The following TRA2B variants were observed in gnomAD, a reference collection of about 807,000 sequenced individuals.
The protein encoded by TRA2B is transformer-2 protein homolog beta.
A neutral mutation model predicts 41.7 loss-of-function variants in TRA2B; 14 were observed. The ratio of observed to expected loss-of-function variants is 0.34; its 90% confidence interval spans 0.22 to 0.53. The LOEUF (loss-of-function observed/expected upper bound fraction) is 0.53, where lower values mean the gene tolerates loss of function less well. TRA2B is among the 20% of genes least tolerant of loss of function. The pLI, the probability that TRA2B is intolerant of heterozygous loss-of-function variation, is 0.95. For synonymous variants in TRA2B, 130 were observed against 128.8 expected (o/e 1.01, Z -0.06); for missense variants, 167 against 396.8 (o/e 0.42, Z 4.92).
intron 1 of TRA2B, chr3:185,936,679 T>G (rs1157851730): frequency 1.0e-6 from 1 of 983,308 alleles, no homozygotes; most frequent in Admixed American, 6.2e-5. Context: ...ACAAATTGTT[T>G]TTTTTTTTTA....
At chr3:185,936,440 C>T in intron 1 of TRA2B, 1 of 985,360 alleles carries the variant, frequency 1.0e-6, no homozygotes, top group Non-Finnish European at 1.2e-6. Flanking sequence ...TATGCTCATC[C>T]GAGTATGTAA....
intron 1 of TRA2B, chr3:185,935,955 G>A (rs1744336143): frequency 2.0e-6 from 2 of 985,340 alleles, no homozygotes; most frequent in Non-Finnish European, 2.4e-6. Flanking sequence ...TTCAAAGATT[G>A]CGAAAAACAC....
chr3:185,925,625 A>C lies in TRA2B; in HGVS notation c.172T>G (p.Ser58Ala). 1 of 1,612,182 alleles carries C rather than the reference A, an allele frequency of 6.2e-7. No individual in the cohort carries two copies. The highest frequency in any genetic ancestry group is 8.5e-7 in the Non-Finnish European group (1 of 1,179,316). Reference protein sequence around the residue: ...SKSRSRSESRSRSRRSSRRHY... With the variant: ...SKSRSRSESRARSRRSSRRHY... ...CTTCGGGAGCTTCTTCTGGATCTAG[A>C]CCTGCAAGACAAAGACCTCCTAAGG... Residue 58 changes from serine (S) to alanine (A), a missense_variant and splice_region_variant, in exon 3 of 9, where the codon TCT (serine) becomes GCT (alanine). Coordinates refer to ENST00000453386, the MANE Select transcript of TRA2B (RefSeq NM_004593.3).
At chr3:185,928,192 A>C (rs1744022854) in intron 1 of TRA2B, 1 of 152,210 alleles carries the variant, frequency 6.6e-6, no homozygotes, top group South Asian at 2.1e-4. Context: ...ATGCTCAGGG[A>C]AAACATTTAT....
chr3:185,934,945 T>C (rs1029689934), intron 1 of TRA2B: 32 of 985,330 alleles, frequency 3.2e-5, no homozygotes, highest in African/African-American at 5.2e-5. Flanking sequence ...CATACATCAG[T>C]GTCTCCTTAG....
chr3:185,933,562 A>G (rs771314861), intron 1 of TRA2B, among the ~76,000 whole-genome samples: 13 of 152,154 alleles, frequency 8.5e-5, no homozygotes, highest in Non-Finnish European at 1.6e-4. Context: ...ACAAGGCAAT[A>G]TTTTAAAAAT....
At chr3:185,935,294 C>CTAATT in intron 1 of TRA2B, 2 of 985,386 alleles carry the variant, frequency 2.0e-6, no homozygotes, top group Non-Finnish European at 2.4e-6. Context: ...GTTAAGCCTG[C>CTAATT]TAATTAGACC....
At chr3:185,931,926 GAAAA>G (rs562003449) in intron 1 of TRA2B, 3 of 713,448 alleles carry the variant, frequency 4.2e-6, no homozygotes, top group African/African-American at 5.6e-5. Flanking sequence ...ACTGAAACTA[GAAAA>G]AAAAAATCCC....
intron 2 of TRA2B, among the ~76,000 whole-genome samples, chr3:185,926,399 A>G (rs576758989): frequency 3.3e-4 from 50 of 152,308 alleles, no homozygotes; most frequent in African/African-American, 1.2e-3. Context: ...TGCCCAAACC[A>G]GCAAAAATAG....
At chr3:185,923,171 G>A (rs1236746653) in intron 4 of TRA2B, 1 of 152,668 alleles carries the variant, frequency 6.6e-6, no homozygotes, top group Non-Finnish European at 1.5e-5. Context: ...ACCTGCTCAG[G>A]AGGCTGAGGC....
intron 1 of TRA2B, 138 bp from the exon 2 acceptor site, chr3:185,926,872 T>C: frequency 4.1e-6 from 4 of 981,360 alleles, no homozygotes; most frequent in Non-Finnish European, 5.9e-6. Flanking sequence ...AGGAACTGAA[T>C]ATACCTGGTG....
intron 1 of TRA2B, among the ~76,000 whole-genome samples, chr3:185,933,225 T>C (rs1416436196): frequency 6.6e-6 from 1 of 152,178 alleles, no homozygotes; most frequent in African/African-American, 2.4e-5. Flanking sequence ...GCTCTAGCTA[T>C]CACAACTGTT....
At chr3:185,937,555 T>C in intron 1 of TRA2B, 2 of 964,122 alleles carry the variant, frequency 2.1e-6, no homozygotes, top group East Asian at 3.4e-5. Flanking sequence ...GCGGCCATTT[T>C]CATCTTCCCC....
At chr3:185,917,797 T>C in intron 8 of TRA2B, 72 bp from the exon 9 acceptor site, 1 of 1,515,080 alleles carries the variant, frequency 6.6e-7, no homozygotes, top group South Asian at 1.2e-5. Flanking sequence ...ATGCCGAGAA[T>C]TTCAGAATAT....
In TRA2B at chr3:185,917,446, G is replaced by C. The variant is rs1743541547; in HGVS notation, c.*269C>G. On this transcript the variant is annotated 3_prime_UTR_variant, in exon 9 of 9. Coordinates refer to ENST00000453386, the MANE Select transcript of TRA2B (RefSeq NM_004593.3). Reference sequence around the variant, plus strand: ...CTTTTAAATGAAGTTTTGTACAATAGAAACTTCTCAGCAGTCAAAATTTAG... The same window carrying C: ...CTTTTAAATGAAGTTTTGTACAATACAAACTTCTCAGCAGTCAAAATTTAG... 2.3e-6 allele frequency: 1 copy of C among 433,726 alleles called. No homozygotes were observed. Among genetic ancestry groups the C allele is most frequent in the Non-Finnish European group, 4.2e-6 (1 of 240,882 alleles). 26.9% of individuals were successfully genotyped at this position (433,726 alleles called of 1,614,324 possible).
chr3:185,925,389 G>A (rs1743908141), intron 3 of TRA2B, 75 bp downstream of exon 3: 1 of 1,543,414 alleles, frequency 6.5e-7, no homozygotes. Context: ...AAGCTCTATT[G>A]TCAAAATCAG....
Position 185,936,739 on chromosome 3 carries a change from T to G in TRA2B, c.36+1086A>C, listed in dbSNP as rs1038246527. 3.0e-6 allele frequency: 3 copies of G among 985,186 alleles called. No individual in the cohort carries two copies. In the African/African-American group the frequency reaches 5.2e-5, roughly 17 times the overall value. 61.0% of individuals were successfully genotyped at this position (985,186 alleles called of 1,614,324 possible). ...CCTCAAAAATCAATTTCTATGGTGC[T>G]TTTCTATCACCCTTCTAACAGATTC... On this transcript the variant is annotated intron_variant, in intron 1 of 8. Coordinates refer to ENST00000453386, the MANE Select transcript of TRA2B (RefSeq NM_004593.3).
intron 1 of TRA2B, chr3:185,935,091 A>G (rs1309863677): frequency 1.0e-6 from 1 of 985,332 alleles, no homozygotes; most frequent in Non-Finnish European, 1.2e-6. Flanking sequence ...TTGGGCTCTA[A>G]AGATTACCCT....
At chr3:185,937,723 G>A in intron 1 of TRA2B, 102 bp downstream of exon 1, 5 of 1,529,232 alleles carry the variant, frequency 3.3e-6, no homozygotes, top group South Asian at 1.1e-5. Flanking sequence ...TCAGACTTCG[G>A]AGCCTAAAAC....
Sources: allele counts gnomAD v4.1 joint callset (sites outside exome capture counted in the v4.1 genomes callset), GRCh38; gene constraint gnomAD v4.1.1; transcripts MANE v1.5; gene names NCBI Gene and HGNC (gene_info 2026-07-23, HGNC 2026-07-21).